SDK1: variants seen among roughly 807,000 people sequenced by gnomAD.
SDK1 encodes sidekick cell adhesion molecule 1, also known as protein sidekick-1.
In SDK1, 157 loss-of-function variants were observed where a neutral mutation model predicts 245.5. That is an observed-to-expected ratio of 0.64 (90% confidence interval 0.56 to 0.73). The LOEUF (loss-of-function observed/expected upper bound fraction) is 0.73, where lower values mean the gene tolerates loss of function less well. SDK1 is among the 30% of genes least tolerant of loss of function. The probability of loss-of-function intolerance (pLI) is 0.00; values close to 1 mark genes in which losing one functional copy is unlikely to be tolerated. For synonymous variants in SDK1, 1,647 were observed against 1,278.5 expected (o/e 1.29, Z -6.15); for missense variants, 3,583 against 3,002.3 (o/e 1.19, Z -4.52).
intron 1 of SDK1, among the ~76,000 whole-genome samples, chr7:3,378,467 C>T (rs7778298): frequency 0.12 from 17,731 of 152,104 alleles, 1,224 homozygotes; most frequent in African/African-American, 0.19. Context: ...ACATTTTCTT[C>T]TGCTTACTGT....
At chr7:3,986,475 A>G (rs1265609016) in intron 13 of SDK1, among the ~76,000 whole-genome samples, 2 of 152,222 alleles carry the variant, frequency 1.3e-5, no homozygotes, top group Admixed American at 1.3e-4. Flanking sequence ...TTCCCGTTAC[A>G]TGTATCGGGA....
intron 35 of SDK1, among the ~76,000 whole-genome samples, chr7:4,202,657 A>G (rs117236118): frequency 6.6e-6 from 1 of 152,322 alleles, no homozygotes; most frequent in East Asian, 1.9e-4. Flanking sequence ...TGAATGAATG[A>G]GCATCATTCT....
Position 3,552,181 on chromosome 7 carries a change from G to A in SDK1, c.299-66899G>A, listed in dbSNP as rs1473763926. The stretch of plus-strand genomic sequence containing the variant: ...GCCTCCTGAGTAGCTGGGACTACAG[G>A]CGCCCACCACCAAGCCTGGCTAATT... On this transcript the variant is annotated intron_variant, in intron 1 of 44. Transcript: ENST00000404826. Among the ~76,000 whole-genome samples the A allele has an allele frequency of 2.6e-5, 4 of 152,130 alleles. No individual in the cohort carries two copies. In the East Asian group the frequency reaches 7.7e-4, roughly 29 times the overall value.
In SDK1 at chr7:4,267,357, C is replaced by T. The variant is rs1788533079; in HGVS notation, c.*1973C>T. 5 of 983,330 alleles carry T rather than the reference C, an allele frequency of 5.1e-6. No individual in the cohort carries two copies. Among genetic ancestry groups the T allele is most frequent in the Admixed American group, 6.2e-5 (1 of 16,092 alleles). 60.9% of individuals were successfully genotyped at this position (983,330 alleles called of 1,614,324 possible). On this transcript the variant is annotated 3_prime_UTR_variant, in exon 45 of 45. Transcript: ENST00000404826. ...CCTATTCCTTCTTCCTTTTCTCCTC[C>T]TTTTTCTGAGTGGAGGGGGAAATAT...
intron 1 of SDK1, among the ~76,000 whole-genome samples, chr7:3,392,752 G>A (rs750233996): frequency 4.6e-5 from 7 of 151,836 alleles, no homozygotes; most frequent in Non-Finnish European, 8.8e-5. Flanking sequence ...TTTTCATGAT[G>A]TTTTCAAGAT....
At chr7:3,661,537 GAT>G (rs1182291583) in intron 4 of SDK1, among the ~76,000 whole-genome samples, 2 of 152,076 alleles carry the variant, frequency 1.3e-5, no homozygotes, top group Non-Finnish European at 2.9e-5. Flanking sequence ...TCCTTTCTTT[GAT>G]CTAGTGATGA....
intron 1 of SDK1, among the ~76,000 whole-genome samples, chr7:3,482,413 C>T (rs1354094767): frequency 2.6e-5 from 4 of 152,050 alleles, no homozygotes; most frequent in Non-Finnish European, 4.4e-5. Flanking sequence ...CGGAGATAGG[C>T]AATAAAGCCC....
At chr7:3,342,931 A>T (rs4722708) in intron 1 of SDK1, among the ~76,000 whole-genome samples, 89,366 of 151,082 alleles carry the variant, frequency 0.59, 27,424 homozygotes, top group African/African-American at 0.77. Flanking sequence ...AAAAAGACAT[A>T]CATTCAGTAT....
intron 1 of SDK1, among the ~76,000 whole-genome samples, chr7:3,509,602 C>T (rs887465636): frequency 6.6e-6 from 1 of 152,136 alleles, no homozygotes; most frequent in Non-Finnish European, 1.5e-5. Context: ...TACGAAGTGT[C>T]CCTCCAGTAG....
intron 1 of SDK1, among the ~76,000 whole-genome samples, chr7:3,306,598 GA>G (rs1779422705): frequency 6.6e-6 from 1 of 152,156 alleles, no homozygotes; most frequent in South Asian, 2.1e-4. Context: ...TACCTAACCA[GA>G]AGTTTCCTGG....
intron 1 of SDK1, among the ~76,000 whole-genome samples, chr7:3,609,138 T>G (rs1366434815): frequency 1.3e-5 from 2 of 152,224 alleles, no homozygotes; most frequent in African/African-American, 4.8e-5. Flanking sequence ...CTTTGATTTT[T>G]TAAGGAATTA....
chr7:4,006,814 C>T (rs187157374), intron 14 of SDK1, among the ~76,000 whole-genome samples: 176 of 152,332 alleles, frequency 1.2e-3, no homozygotes, highest in African/African-American at 4.0e-3. Flanking sequence ...AGGCAGCAGA[C>T]TCTGAACCCT....
At chr7:4,218,243 A>G (rs1022788281) in intron 38 of SDK1, among the ~76,000 whole-genome samples, 2 of 152,150 alleles carry the variant, frequency 1.3e-5, no homozygotes, top group African/African-American at 4.8e-5. Context: ...AAATACAAAA[A>G]TTAGCCAGGC....
intron 1 of SDK1, among the ~76,000 whole-genome samples, chr7:3,588,083 T>C (rs1039442066): frequency 6.6e-6 from 1 of 152,198 alleles, no homozygotes; most frequent in Non-Finnish European, 1.5e-5. Context: ...GGTCAATCTT[T>C]GGTGGATCTA....
chr7:4,069,401 G>T (rs1780103534), intron 20 of SDK1, among the ~76,000 whole-genome samples: 1 of 152,336 alleles, frequency 6.6e-6, no homozygotes, highest in East Asian at 1.9e-4. Flanking sequence ...CCTCTCTGGG[G>T]GCTTTGCCTG....
chr7:4,059,108 A>G (rs1779379098), intron 19 of SDK1, among the ~76,000 whole-genome samples: 1 of 152,214 alleles, frequency 6.6e-6, no homozygotes, highest in African/African-American at 2.4e-5. Flanking sequence ...GAATTTAAAT[A>G]GATTAAAGTA....
At chr7:4,083,524 TCCTCCCTCCCTCCCTCCCTC>T (rs749572975) in intron 22 of SDK1, among the ~76,000 whole-genome samples, 4 of 90,974 alleles carry the variant, frequency 4.4e-5, no homozygotes, top group African/African-American at 1.1e-4. Flanking sequence ...CCATTTCCAC[TCCTCCCTCCCTCCCTCCCTC>T]CCTCCCTCCC....
At chr7:3,788,057 G>A (rs545960011) in intron 4 of SDK1, among the ~76,000 whole-genome samples, 1 of 152,148 alleles carries the variant, frequency 6.6e-6, no homozygotes, top group Admixed American at 6.5e-5. Flanking sequence ...CGTGTGCTCC[G>A]GGGAGTGGAC....
chr7:3,796,576 A>G (rs1328189318), intron 4 of SDK1, among the ~76,000 whole-genome samples: 1 of 152,124 alleles, frequency 6.6e-6, no homozygotes, highest in Non-Finnish European at 1.5e-5. Flanking sequence ...CTTTCAGTAC[A>G]TAGCCAGGCG....
Sources: gnomAD v4.1 joint callset for allele counts (sites outside exome capture counted in the v4.1 genomes callset) on GRCh38, gnomAD v4.1.1 for gene constraint, MANE v1.5 for transcripts, NCBI Gene and HGNC (gene_info 2026-07-23, HGNC 2026-07-21) for gene names.